The following MAPKAP1 variants were observed in gnomAD, a reference collection of about 807,000 sequenced individuals.
MAPKAP1 encodes the protein target of rapamycin complex 2 subunit MAPKAP1.
In MAPKAP1, 20 loss-of-function variants were observed where a neutral mutation model predicts 65.7. That is an observed-to-expected ratio of 0.30 (90% CI 0.21 to 0.44). MAPKAP1 has a LOEUF of 0.44. Ranked by LOEUF, MAPKAP1 falls within the 20% of genes least tolerant of loss-of-function variation. The pLI is 1.00. For missense variants in MAPKAP1, 423 were observed against 648.0 expected (o/e 0.65, Z 3.77); for synonymous variants, 222 against 244.3 (o/e 0.91, Z 0.85).
intron 1 of MAPKAP1, among the ~76,000 whole-genome samples, chr9:125,693,798 CATAT>C (rs890785258): frequency 2.3e-4 from 32 of 141,772 alleles, no homozygotes; most frequent in African/African-American, 8.2e-4. Context: ...TATATACACA[CATAT>C]ATATACACAC....
At chr9:125,656,840 A>G (rs565559306) in intron 4 of MAPKAP1, among the ~76,000 whole-genome samples, 2 of 152,334 alleles carry the variant, frequency 1.3e-5, no homozygotes, top group African/African-American at 4.8e-5. Flanking sequence ...GCACAGAGAC[A>G]CAAGAAGGCA....
At chr9:125,446,945 G>A (rs1852739504) in intron 10 of MAPKAP1, among the ~76,000 whole-genome samples, 1 of 152,144 alleles carries the variant, frequency 6.6e-6, no homozygotes. Flanking sequence ...AGTCTGCAAG[G>A]CCTAAGAGCC....
chr9:125,495,609 C>T (rs1427373436), intron 8 of MAPKAP1, among the ~76,000 whole-genome samples: 2 of 152,172 alleles, frequency 1.3e-5, no homozygotes, highest in Non-Finnish European at 2.9e-5. Context: ...CCCTTGAATA[C>T]TAATTACTAC....
chr9:125,481,959 G>A (rs888521064), intron 9 of MAPKAP1, among the ~76,000 whole-genome samples: 3 of 151,264 alleles, frequency 2.0e-5, no homozygotes, highest in Admixed American at 6.6e-5. Flanking sequence ...GTGAAACCCC[G>A]TCTCTACTAA....
intron 1 of MAPKAP1, among the ~76,000 whole-genome samples, chr9:125,705,440 T>C (rs1218265455): frequency 6.6e-6 from 1 of 152,078 alleles, no homozygotes; most frequent in Non-Finnish European, 1.5e-5. Flanking sequence ...CCCTCAAAGG[T>C]GAATAACCCA....
intron 4 of MAPKAP1, among the ~76,000 whole-genome samples, chr9:125,648,125 C>T (rs1368721185): frequency 2.6e-5 from 4 of 151,952 alleles, no homozygotes; most frequent in South Asian, 2.1e-4. Flanking sequence ...GCCATAACAA[C>T]GACTGCAAGA....
intron 4 of MAPKAP1, among the ~76,000 whole-genome samples, chr9:125,629,083 ACACACAC>A (rs1564591570): frequency 1.3e-5 from 2 of 151,262 alleles, no homozygotes; most frequent in African/African-American, 4.8e-5. Context: ...ACACACACAC[ACACACAC>A]ACCAGAAAAT....
chr9:125,595,609 C>CTCCTT lies in MAPKAP1; in HGVS notation c.499-9887_499-9883dup. 1 of 1,370,140 alleles carries CTCCTT rather than the reference C, an allele frequency of 7.3e-7. No individual in the cohort carries two copies. Among genetic ancestry groups the CTCCTT allele is most frequent in the Non-Finnish European group, 9.4e-7 (1 of 1,059,900 alleles). 84.9% of individuals were successfully genotyped at this position (1,370,140 alleles called of 1,614,324 possible). A position where few individuals can be genotyped will look rare whatever the true frequency, so the allele number is the denominator to read the frequency against. On this transcript the variant is annotated intron_variant, in intron 4 of 11. Transcript: ENST00000265960. The surrounding 1 kb of genome is among the most constrained non-coding windows in gnomAD (Gnocchi z 4.0). Reference sequence around the variant, plus strand: ...ATATCATGCTATGTTTGTCAGCTTACTCCTTTCTGCCTGTGGACACGCCAA... The same window carrying CTCCTT: ...ATATCATGCTATGTTTGTCAGCTTACTCCTTTCCTTTCTGCCTGTGGACACGCCAA...
intron 7 of MAPKAP1, among the ~76,000 whole-genome samples, chr9:125,527,682 C>T (rs1829812476): frequency 6.6e-6 from 1 of 152,118 alleles, no homozygotes; most frequent in Non-Finnish European, 1.5e-5. Context: ...TCTTTTTCTG[C>T]AATACAGTAG....
rs534020084 is a variant in MAPKAP1, at chr9:125,672,209, A to G, written c.259+107T>C. 2.1e-5 allele frequency: 26 copies of G among 1,259,196 alleles called. No individual in the cohort carries two copies. The East Asian group carries it at 6.2e-4, about 30-fold the overall frequency. 78.0% of individuals were successfully genotyped at this position (1,259,196 alleles called of 1,614,324 possible). Reference sequence around the variant, plus strand: ...GTCTGACATATGCATGTTCCTATTAATACCCGGAAACATCCCCCATTAAGC... The same window carrying G: ...GTCTGACATATGCATGTTCCTATTAGTACCCGGAAACATCCCCCATTAAGC... On this transcript the variant is annotated intron_variant, in intron 2 of 11. Transcript: ENST00000265960.
chr9:125,503,245 C>T (rs1462074961), intron 8 of MAPKAP1, among the ~76,000 whole-genome samples: 3 of 152,184 alleles, frequency 2.0e-5, no homozygotes, highest in African/African-American at 7.2e-5. Context: ...TATTATCTTA[C>T]TACATGTTTT....
At chr9:125,464,455 TG>T (rs1182505948) in intron 10 of MAPKAP1, among the ~76,000 whole-genome samples, 5 of 152,186 alleles carry the variant, frequency 3.3e-5, no homozygotes, top group Admixed American at 6.5e-5. Context: ...AATGGCAGCA[TG>T]TTTTTTTTCT....
In MAPKAP1 at chr9:125,648,151, C is replaced by T. The variant is rs950846241; in HGVS notation, c.498+9500G>A. 1.2e-4 allele frequency among the ~76,000 whole-genome samples: 18 copies of T among 152,252 alleles called. No individual in the cohort carries two copies. The South Asian group carries it at 1.2e-3, about 11-fold the overall frequency. On this transcript the variant is annotated intron_variant, in intron 4 of 11. Coordinates refer to ENST00000265960, the MANE Select transcript of MAPKAP1 (RefSeq NM_001006617.3). The stretch of plus-strand genomic sequence containing the variant: ...GACTGCAAGAGTCTAGGAAAAAGAG[C>T]TGTGGTACTGGAATAGGAGAAAAAG...
At chr9:125,440,042 C>T (rs925102361) in intron 11 of MAPKAP1, among the ~76,000 whole-genome samples, 1 of 152,130 alleles carries the variant, frequency 6.6e-6, no homozygotes, top group Non-Finnish European at 1.5e-5. Flanking sequence ...AGGGAGTGTC[C>T]CTGGAACTGC....
chr9:125,509,287 C>CA (rs5900661), intron 7 of MAPKAP1, among the ~76,000 whole-genome samples: 147,344 of 152,194 alleles, frequency 0.97, 71,369 homozygotes, highest in East Asian at 1. Flanking sequence ...TAAATCTAAG[C>CA]AAAAAATATG....
At chr9:125,479,790 T>C (rs1267953554) in intron 9 of MAPKAP1, among the ~76,000 whole-genome samples, 2 of 152,082 alleles carry the variant, frequency 1.3e-5, no homozygotes, top group Non-Finnish European at 2.9e-5. Context: ...TCAGCATGGA[T>C]GAGTGGTTTT....
At chr9:125,458,613 C>T (rs1245190043) in intron 10 of MAPKAP1, among the ~76,000 whole-genome samples, 1 of 151,636 alleles carries the variant, frequency 6.6e-6, no homozygotes, top group Non-Finnish European at 1.5e-5. Context: ...CCCATGTCTA[C>T]TTCCTTCTAC....
At chr9:125,522,429 T>C (rs1215476103) in intron 7 of MAPKAP1, among the ~76,000 whole-genome samples, 1 of 152,260 alleles carries the variant, frequency 6.6e-6, no homozygotes. Flanking sequence ...CTAGTCACTG[T>C]AGATATGAAG....
intron 9 of MAPKAP1, among the ~76,000 whole-genome samples, chr9:125,469,924 GGTGT>G (rs374534121): frequency 4.0e-5 from 6 of 151,612 alleles, no homozygotes; most frequent in Admixed American, 3.3e-4. Context: ...ATGGTTGTCG[GGTGT>G]GTGTGTGTGC....
Sources: allele counts gnomAD v4.1 joint callset (sites outside exome capture counted in the v4.1 genomes callset), GRCh38; gene constraint gnomAD v4.1.1; non-coding constraint Gnocchi (gnomAD v3.1); transcripts MANE v1.5; gene names NCBI Gene and HGNC (gene_info 2026-07-23, HGNC 2026-07-21).